Variants in DCN observed in about 807,000 individuals in gnomAD.
DCN encodes decorin.
DCN carries 17 observed loss-of-function variants against 36.5 expected under a neutral mutation model. That is an observed-to-expected ratio of 0.47 (90% CI 0.32 to 0.70). The LOEUF is 0.70. DCN is among the 30% of genes least tolerant of loss of function. The pLI, the probability that DCN is intolerant of heterozygous loss-of-function variation, is 0.04. For synonymous variants in DCN, 163 were observed against 161.4 expected (o/e 1.01, Z -0.07); for missense variants, 389 against 430.1 (o/e 0.90, Z 0.84).
At chr12:91,169,839 G>T in intron 2 of DCN, 1 of 155,966 alleles carries the variant, frequency 6.4e-6, no homozygotes, top group South Asian at 1.9e-4. Flanking sequence ...CGAGGCGGGT[G>T]GATCACGAGA....
At chr12:91,167,818 T>C (rs577717803) in intron 2 of DCN, among the ~76,000 whole-genome samples, 1 of 152,180 alleles carries the variant, frequency 6.6e-6, no homozygotes, top group South Asian at 2.1e-4. Context: ...ACTCCAGAAC[T>C]ATGTTTTTTG....
chr12:91,155,939 A>C (rs1185130446), intron 5 of DCN, among the ~76,000 whole-genome samples: 1 of 152,180 alleles, frequency 6.6e-6, no homozygotes, highest in Non-Finnish European at 1.5e-5. Flanking sequence ...GTAAAAGAAC[A>C]ATAAAGGACA....
chr12:91,153,855 G>A (rs1008036369), intron 5 of DCN, among the ~76,000 whole-genome samples: 1 of 152,010 alleles, frequency 6.6e-6, no homozygotes, highest in Non-Finnish European at 1.5e-5. Flanking sequence ...TACATCCAAA[G>A]TACCCACTAA....
intron 4 of DCN, 44 bp downstream of exon 4, chr12:91,158,252 T>C (rs1315706779): frequency 4.0e-6 from 5 of 1,248,188 alleles, no homozygotes; most frequent in Admixed American, 1.7e-5. Context: ...TCTCTTAAGA[T>C]AAAAACTTGA....
intron 5 of DCN, 96 bp from the exon 6 acceptor site, chr12:91,153,285 A>G (rs1881553272): frequency 1.3e-6 from 1 of 770,614 alleles, no homozygotes; most frequent in South Asian, 1.4e-5. Context: ...TCAATTTTCT[A>G]AAAGACACAC....
intron 3 of DCN, among the ~76,000 whole-genome samples, chr12:91,160,517 A>G (rs1033702207): frequency 6.6e-6 from 1 of 152,070 alleles, no homozygotes; most frequent in African/African-American, 2.4e-5. Flanking sequence ...GCACATACTC[A>G]AGCCAGAATT....
intron 2 of DCN, among the ~76,000 whole-genome samples, chr12:91,169,105 G>C (rs1419564886): frequency 2.0e-5 from 3 of 152,148 alleles, no homozygotes; most frequent in Non-Finnish European, 4.4e-5. Flanking sequence ...GGAGAGTTAA[G>C]AGATGTTTTA....
chr12:91,155,432 G>C (rs149683423), intron 5 of DCN, among the ~76,000 whole-genome samples: 3 of 152,054 alleles, frequency 2.0e-5, no homozygotes, highest in African/African-American at 7.2e-5. Flanking sequence ...TAAATGATGA[G>C]GAAAGAATAC....
chr12:91,155,717 A>C (rs1881726435), intron 5 of DCN, among the ~76,000 whole-genome samples: 1 of 152,142 alleles, frequency 6.6e-6, no homozygotes, highest in African/African-American at 2.4e-5. Flanking sequence ...GGGATAGCAA[A>C]AGATTACTTG....
At chr12:91,177,580 T>G in intron 2 of DCN, 1 of 702,410 alleles carries the variant, frequency 1.4e-6, no homozygotes, top group Non-Finnish European at 2.6e-6. Context: ...TTCTGGAGAT[T>G]TATCTTCTAA....
chr12:91,172,162 T>C (rs945212589), intron 2 of DCN: 2 of 151,882 alleles, frequency 1.3e-5, no homozygotes, highest in Non-Finnish European at 2.9e-5. Flanking sequence ...TTTTTTTTTA[T>C]TTCCCTTCTT....
intron 2 of DCN, among the ~76,000 whole-genome samples, chr12:91,165,486 T>TA (rs769293968): frequency 4.3e-4 from 65 of 152,268 alleles, no homozygotes; most frequent in Non-Finnish European, 7.4e-4. Context: ...GTCCTGGTAT[T>TA]AAAAAATATT....
intron 4 of DCN, 104 bp downstream of exon 4, chr12:91,158,192 C>T: frequency 1.3e-6 from 1 of 772,576 alleles, no homozygotes; most frequent in South Asian, 1.5e-5. Flanking sequence ...AGGCTCCAGG[C>T]ATGTAGCTTG....
At chr12:91,157,496 A>T (rs936992771) in intron 4 of DCN, among the ~76,000 whole-genome samples, 1 of 152,334 alleles carries the variant, frequency 6.6e-6, no homozygotes, top group South Asian at 2.1e-4. Context: ...CCAGAAATCA[A>T]CTAAAGCAAG....
chr12:91,153,482 C>G (rs1008754030), intron 5 of DCN, among the ~76,000 whole-genome samples: 1 of 152,046 alleles, frequency 6.6e-6, no homozygotes, highest in Non-Finnish European at 1.5e-5. Context: ...AACGCTGAGT[C>G]TCATTATTCT....
chr12:91,151,389 C>T (rs1881403189), intron 7 of DCN: 1 of 424,670 alleles, frequency 2.4e-6, no homozygotes, highest in Non-Finnish European at 4.4e-6. Flanking sequence ...AACATCACCA[C>T]CCCTACTGAA....
rs555217622 is a variant in DCN, at chr12:91,141,731, A to C, written c.*4327T>G. The C allele has an allele frequency of 6.6e-6, 1 of 152,282 alleles. No homozygotes were observed. Among genetic ancestry groups the C allele is most frequent in the South Asian group, 2.1e-4 (1 of 4,832 alleles). The allele number at this position is 152,282 out of a possible 1,614,324, so 9.4% of individuals were successfully genotyped here. A position where few individuals can be genotyped will look rare whatever the true frequency, so the allele number is the denominator to read the frequency against. ...TATTTTAAAATTGATTTGTGTTTCT[A>C]TGCTTGTTCCTGATGGCCTGGAAGC... On this transcript the variant is annotated 3_prime_UTR_variant, in exon 8 of 8. Coordinates refer to ENST00000052754, the MANE Select transcript of DCN (RefSeq NM_001920.5).
At chr12:91,182,364 A>G (rs1418956773) in intron 1 of DCN, among the ~76,000 whole-genome samples, 1 of 152,124 alleles carries the variant, frequency 6.6e-6, no homozygotes, top group African/African-American at 2.4e-5. Flanking sequence ...TCATTAATAC[A>G]AACACAAAAA....
intron 5 of DCN, among the ~76,000 whole-genome samples, chr12:91,154,765 C>G (rs1473254662): frequency 6.6e-6 from 1 of 151,886 alleles, no homozygotes; most frequent in Non-Finnish European, 1.5e-5. Flanking sequence ...TTACATTGGG[C>G]CAAGTACTTG....
Sources: gnomAD v4.1 joint callset for allele counts (sites outside exome capture counted in the v4.1 genomes callset) on GRCh38, gnomAD v4.1.1 for gene constraint, MANE v1.5 for transcripts, NCBI Gene and HGNC (gene_info 2026-07-23, HGNC 2026-07-21) for gene names.